Variants in RALYL observed in about 807,000 individuals in gnomAD.
RALYL encodes RALY RNA binding protein like.
RALYL carries 29 observed loss-of-function variants against 35.1 expected under a neutral mutation model. That is an observed-to-expected ratio of 0.83 (90% CI 0.61 to 1.13). The LOEUF (loss-of-function observed/expected upper bound fraction) is 1.13. RALYL is among the 50% of genes most tolerant of loss of function. The pLI, the probability that RALYL is intolerant of heterozygous loss-of-function variation, is 0.00. For synonymous variants in RALYL, 120 were observed against 127.6 expected (o/e 0.94, Z 0.40); for missense variants, 359 against 360.4 (o/e 1.00, Z 0.03).
At chr8:84,779,896 G>A (rs562406374) in intron 3 of RALYL, among the ~76,000 whole-genome samples, 2 of 152,294 alleles carry the variant, frequency 1.3e-5, no homozygotes, top group Admixed American at 1.3e-4. Flanking sequence ...AACCTTGAAA[G>A]TAGAAATGAA....
intron 8 of RALYL, among the ~76,000 whole-genome samples, chr8:84,913,009 T>TA (rs1847758197): frequency 1.5e-5 from 2 of 130,784 alleles, no homozygotes; most frequent in Non-Finnish European, 1.6e-5. Flanking sequence ...GATGGATGGA[T>TA]GGATGGATGG....
At chr8:84,621,610 T>C (rs1258884545) in intron 2 of RALYL, among the ~76,000 whole-genome samples, 2 of 152,230 alleles carry the variant, frequency 1.3e-5, no homozygotes, top group African/African-American at 4.8e-5. Context: ...TTCAGCCATC[T>C]TGGCTCCTCC....
intron 1 of RALYL, among the ~76,000 whole-genome samples, chr8:84,223,152 CCTTT>C (rs1221988291): frequency 7.5e-6 from 1 of 132,466 alleles, no homozygotes; most frequent in Non-Finnish European, 1.6e-5. Flanking sequence ...CCTTTCCTTT[CCTTT>C]CTTTCCTTCC....
intron 1 of RALYL, among the ~76,000 whole-genome samples, chr8:84,244,958 G>A (rs1441244351): frequency 6.6e-6 from 1 of 152,138 alleles, no homozygotes; most frequent in East Asian, 1.9e-4. Flanking sequence ...AGGCATAGAA[G>A]GGAGAGTGAT....
intron 1 of RALYL, among the ~76,000 whole-genome samples, chr8:84,288,948 A>AAGC (rs1838219875): frequency 6.6e-6 from 1 of 152,190 alleles, no homozygotes; most frequent in African/African-American, 2.4e-5. Flanking sequence ...AGCTATCACA[A>AAGC]TAGGAGAGAG....
In RALYL at chr8:84,671,776, C is replaced by T. The variant is rs1363606163; in HGVS notation, c.257-102803C>T. On this transcript the variant is annotated intron_variant, in intron 2 of 8. Transcript: ENST00000521268. ...ACGAAACCATTTTTTCCTTCTAGGC[C>T]TCTGGGCCTGTGATGGGAGGGGCTG... Among the ~76,000 whole-genome samples the T allele has an allele frequency of 2.0e-5, 3 of 152,186 alleles. No homozygotes were observed. The East Asian group carries it at 5.8e-4, about 29-fold the overall frequency.
chr8:84,510,393 G>A (rs1564060157), intron 1 of RALYL, among the ~76,000 whole-genome samples: 1 of 152,072 alleles, frequency 6.6e-6, no homozygotes, highest in African/African-American at 2.4e-5. Flanking sequence ...GTCCATCTGT[G>A]AGTCTCAATA....
At chr8:84,425,409 C>G (rs539445221) in intron 1 of RALYL, among the ~76,000 whole-genome samples, 6 of 152,302 alleles carry the variant, frequency 3.9e-5, no homozygotes, top group South Asian at 2.1e-4. Flanking sequence ...TGCTTCGGCT[C>G]GCGCACGGTG....
At chr8:84,343,688 G>C (rs1296988027) in intron 1 of RALYL, among the ~76,000 whole-genome samples, 4 of 151,854 alleles carry the variant, frequency 2.6e-5, no homozygotes, top group Middle Eastern at 3.4e-3. Flanking sequence ...GGAGTACAGT[G>C]GTGCAATCAT....
chr8:84,401,437 A>G (rs1418680938), intron 1 of RALYL, among the ~76,000 whole-genome samples: 2 of 151,876 alleles, frequency 1.3e-5, no homozygotes, highest in Non-Finnish European at 2.9e-5. Context: ...GGAGATCGAG[A>G]CCATCTTGGC....
At chr8:84,366,029 G>T (rs1854185661) in intron 1 of RALYL, among the ~76,000 whole-genome samples, 1 of 152,112 alleles carries the variant, frequency 6.6e-6, no homozygotes, top group Non-Finnish European at 1.5e-5. Context: ...TGTATCACTT[G>T]CTCTAGATTC....
intron 1 of RALYL, among the ~76,000 whole-genome samples, chr8:84,314,988 T>C (rs1010949786): frequency 6.6e-6 from 1 of 152,196 alleles, no homozygotes; most frequent in African/African-American, 2.4e-5. Context: ...AGGTGTTCCA[T>C]GAATAGATGA....
At chr8:84,439,239 T>C (rs1563933424) in intron 1 of RALYL, among the ~76,000 whole-genome samples, 2 of 152,158 alleles carry the variant, frequency 1.3e-5, no homozygotes, top group Non-Finnish European at 2.9e-5. Context: ...TGTCGATTTG[T>C]TTGTGTCATC....
chr8:84,647,605 G>T (rs1827768239), intron 2 of RALYL, among the ~76,000 whole-genome samples: 1 of 152,052 alleles, frequency 6.6e-6, no homozygotes, highest in African/African-American at 2.4e-5. Context: ...ATCTTCTAGT[G>T]TGAGAGAATG....
rs527773390 is a variant in RALYL at position 84,304,134 on chromosome 8, T to TATTG, written c.-24+119710_-24+119711insATTG. ...TTGTTTGTTTATTTATTTATTTATTTTTAGATGGAGTCTCATTCTGTTGCC... is the reference window on the plus strand; with the variant it reads ...TTGTTTGTTTATTTATTTATTTATTTATTGTTAGATGGAGTCTCATTCTGTTGCC... On this transcript the variant is annotated intron_variant, in intron 1 of 8. Transcript: ENST00000521268. 6.0e-3 allele frequency among the ~76,000 whole-genome samples: 920 copies of TATTG among 152,268 alleles called. 6 individuals carry two copies. Among genetic ancestry groups the TATTG allele is most frequent in the South Asian group, 0.032 (155 of 4,826 alleles).
chr8:84,728,583 T>C (rs534849948), intron 2 of RALYL, among the ~76,000 whole-genome samples: 1 of 152,266 alleles, frequency 6.6e-6, no homozygotes, highest in African/African-American at 2.4e-5. Flanking sequence ...GCCTAGGTTT[T>C]CTTCTAGGGT....
intron 2 of RALYL, among the ~76,000 whole-genome samples, chr8:84,685,022 G>C (rs1455193106): frequency 2.1e-4 from 32 of 152,106 alleles, no homozygotes; most frequent in Admixed American, 2.1e-3. Context: ...CAAAGAGAGA[G>C]CAAGCTCTCT....
chr8:84,763,210 G>A (rs192656392), intron 2 of RALYL, among the ~76,000 whole-genome samples: 1 of 152,230 alleles, frequency 6.6e-6, no homozygotes, highest in Admixed American at 6.5e-5. Flanking sequence ...CGTATGAAAA[G>A]AGAGAAATGA....
At chr8:84,245,130 C>T (rs911484884) in intron 1 of RALYL, among the ~76,000 whole-genome samples, 14 of 152,260 alleles carry the variant, frequency 9.2e-5, no homozygotes, top group Non-Finnish European at 1.6e-4. Context: ...CTTCCTTGAA[C>T]TTTGCACTGA....
Sources: gnomAD v4.1 joint callset for allele counts (sites outside exome capture counted in the v4.1 genomes callset) on GRCh38, gnomAD v4.1.1 for gene constraint, MANE v1.5 for transcripts, NCBI Gene and HGNC (gene_info 2026-07-23, HGNC 2026-07-21) for gene names.